VPS35: variants seen among roughly 807,000 people sequenced by gnomAD.
VPS35 encodes the protein VPS35 retromer complex component.
In VPS35, 21 loss-of-function variants were observed where a neutral mutation model predicts 98.1. That is an observed-to-expected ratio of 0.21 (90% CI 0.15 to 0.31). The LOEUF (loss-of-function observed/expected upper bound fraction) is 0.31. Ranked by LOEUF, VPS35 falls within the 10% of genes least tolerant of loss-of-function variation. The pLI is 1.00. For synonymous variants in VPS35, 268 were observed against 318.2 expected, an observed-to-expected ratio of 0.84 and a Z score of 1.68; for missense variants, 554 against 950.8, an observed-to-expected ratio of 0.58 and a Z score of 5.49.
chr16:46,681,867 GACAAC>G (rs1966240052), intron 3 of VPS35: 1 of 569,168 alleles, frequency 1.8e-6, no homozygotes, highest in African/African-American at 1.9e-5. Flanking sequence ...GAGATGCACC[GACAAC>G]ACATTTAAAG....
At chr16:46,679,259 C>A in intron 5 of VPS35, 103 bp from the exon 6 acceptor site, 1 of 1,074,404 alleles carries the variant, frequency 9.3e-7, no homozygotes, top group African/African-American at 1.6e-5. Context: ...TACACCAATG[C>A]TTTATAAAAA....
rs758294660 is a variant in VPS35 at position 46,681,473 on chromosome 16, T to C, written c.227A>G (p.Tyr76Cys). 3.7e-6 allele frequency: 6 copies of C among 1,613,090 alleles called. No homozygotes were observed. In the African/African-American group the frequency reaches 4.0e-5, roughly 11 times the overall value. The change falls in exon 4 of 17, where the codon TAC (tyrosine) becomes TGC (cysteine). Residue 76 changes from tyrosine (Y) to cysteine (C), a missense_variant. By Grantham distance (194) the Tyr-to-Cys change is radical. Around this residue, in one of 5 missense-constraint regions of VPS35, gnomAD observed 67 missense variants for 103.3 expected, o/e 0.65. Transcript: ENST00000299138. ...LYMAISDELHYLEVYLTDEFA... is the reference protein window; with the variant it reads ...LYMAISDELHCLEVYLTDEFA... ...CTCATCTGTCAGGTAGACCTCCAAGTAGTGCAGTTCATCAGAAATGGCCAT... is the reference window on the plus strand; with the variant it reads ...CTCATCTGTCAGGTAGACCTCCAAGCAGTGCAGTTCATCAGAAATGGCCAT...
chr16:46,667,018 G>T (rs1229283368), intron 13 of VPS35, among the ~76,000 whole-genome samples: 1 of 152,122 alleles, frequency 6.6e-6, no homozygotes. Flanking sequence ...GGTAGTTCTA[G>T]TTTCAGTTTT....
At chr16:46,670,091 CAGAAAAATTACA>C (rs891599641) in intron 12 of VPS35, among the ~76,000 whole-genome samples, 1 of 151,878 alleles carries the variant, frequency 6.6e-6, no homozygotes, top group Non-Finnish European at 1.5e-5. Flanking sequence ...ATAGCCAATT[CAGAAAAATTACA>C]AGAAAAACAC....
intron 5 of VPS35, among the ~76,000 whole-genome samples, chr16:46,679,904 A>G (rs1323578972): frequency 1.3e-5 from 2 of 152,206 alleles, no homozygotes; most frequent in African/African-American, 4.8e-5. Flanking sequence ...TTAGAAATAA[A>G]TGATATATTA....
In VPS35 at chr16:46,678,964, T is replaced by A. The variant is rs1260389591; in HGVS notation, c.699A>T (p.Val233=). 6.2e-7 allele frequency: 1 copy of A among 1,614,182 alleles called. No individual in the cohort carries two copies. Among genetic ancestry groups the A allele is most frequent in the Non-Finnish European group, 8.5e-7 (1 of 1,180,018 alleles). The change falls in exon 6 of 17, where the codon GTA becomes GTT. Residue 233 remains valine (V), a synonymous_variant. Transcript: ENST00000299138. ...AAACCTGTTTGTAACGTTCCACATT[T>A]ACACCTTCCAACTGACTGAGGCGCA... ...NLVRLSQLEG[V]NVERYKQIVL...
At chr16:46,679,727 G>A (rs1966204577) in intron 5 of VPS35, among the ~76,000 whole-genome samples, 1 of 152,156 alleles carries the variant, frequency 6.6e-6, no homozygotes, top group African/African-American at 2.4e-5. Context: ...CTAGGATGGA[G>A]ACCTCAGTAC....
intron 12 of VPS35, 58 bp downstream of exon 12, chr16:46,671,647 T>G (rs1567265540): frequency 1.2e-6 from 2 of 1,608,678 alleles, no homozygotes; most frequent in South Asian, 2.2e-5. Flanking sequence ...TTTTAAGCAC[T>G]TGAACATGTG....
In VPS35 at chr16:46,674,381, G is replaced by C; in HGVS notation, c.1093C>G (p.Arg365Gly). ...AGAACTTTATCAACATAGTCCACAC[G>C]ATCAGGGTAACATTTCATGGCAAGA... ...INLAMKCYPD[R>G]VDYVDKVLET... Residue 365 changes from arginine (R) to glycine (G), a missense_variant, in exon 10 of 17, where the codon CGT (arginine) becomes GGT (glycine). Around this residue, in one of 5 missense-constraint regions of VPS35, gnomAD observed 254 missense variants for 390.1 expected, o/e 0.65. Transcript: ENST00000299138. The C allele has an allele frequency of 6.2e-7, 1 of 1,613,932 alleles. No individual in the cohort carries two copies. Among genetic ancestry groups the C allele is most frequent in the Non-Finnish European group, 8.5e-7 (1 of 1,179,930 alleles).
At chr16:46,662,860 G>C (rs1965933431) in intron 14 of VPS35, 123 bp downstream of exon 14, 4 of 1,053,828 alleles carry the variant, frequency 3.8e-6, no homozygotes, top group Non-Finnish European at 5.8e-6. Flanking sequence ...ATGATGGTGG[G>C]AAGGTGGTAG....
At chr16:46,660,987 T>A (rs1965906069) in intron 16 of VPS35, 2 of 372,272 alleles carry the variant, frequency 5.4e-6, no homozygotes, top group Non-Finnish European at 1.0e-5. Context: ...TCTCTAGTAA[T>A]AATACAAAAA....
chr16:46,663,131 A>G lies in VPS35; in HGVS notation c.1679T>C (p.Ile560Thr), dbSNP rs760128592. 8 of 1,614,062 alleles carry G rather than the reference A, an allele frequency of 5.0e-6. No homozygotes were observed. Among genetic ancestry groups the G allele is most frequent in the Non-Finnish European group, 5.1e-6 (6 of 1,180,032 alleles). The change falls in exon 14 of 17, where the codon ATT becomes ACT. Residue 560 changes from isoleucine (I) to threonine (T), a missense_variant. This residue lies in a region of VPS35 where 254 missense variants were observed against 390.1 expected (regional missense o/e 0.65). Transcript: ENST00000299138. ...DDKWEKKCQK[I>T]FSFAHQTISA... The stretch of plus-strand genomic sequence containing the variant: ...GATAGTCTGGTGGGCAAATGAAAAA[A>G]TCTTCTGGCATTTCTTTTCCCATTT...
chr16:46,662,847 T>A (rs1165156376), intron 14 of VPS35, 136 bp downstream of exon 14: 1 of 947,086 alleles, frequency 1.1e-6, no homozygotes, highest in African/African-American at 1.6e-5. Flanking sequence ...ATTAACAGGT[T>A]CCATGATGGT....
Position 46,673,472 on chromosome 16 carries a change from G to A in VPS35, c.1160+842C>T, listed in dbSNP as rs532023131. Reference sequence around the variant, plus strand: ...CATGAGGTAAAATTCTGAAGAATATGTTGGCGGGAGGCAGGCCTGGCTTGA... The same window carrying A: ...CATGAGGTAAAATTCTGAAGAATATATTGGCGGGAGGCAGGCCTGGCTTGA... On this transcript the variant is annotated intron_variant, in intron 10 of 16. Coordinates refer to ENST00000299138, the MANE Select transcript of VPS35 (RefSeq NM_018206.6). 9 of 152,370 alleles carry A rather than the reference G, an allele frequency of 5.9e-5. No homozygotes were observed. The East Asian group carries it at 1.7e-3, about 29-fold the overall frequency. The allele number at this position is 152,370 out of a possible 1,614,324, so 9.4% of individuals were successfully genotyped here. A position where few individuals can be genotyped will look rare whatever the true frequency, so the allele number is the denominator to read the frequency against.
In VPS35 at chr16:46,672,453, C is replaced by T. The variant is rs754137147; in HGVS notation, c.1180G>A (p.Val394Ile). ...NLEHIATSSA[V>I]SKELTRLLKI... ...AAAAGTCTGGTGAGTTCCTTTGAAA[C>T]TGCACTACTGGTAGCAATACTACAA... Residue 394 changes from valine to isoleucine, a missense_variant, in exon 11 of 17, where the codon GTT becomes ATT. Val to Ile is a conservative substitution (Grantham distance 29). This residue lies in a region of VPS35 where 254 missense variants were observed against 390.1 expected (regional missense o/e 0.65). Coordinates refer to ENST00000299138, the MANE Select transcript of VPS35 (RefSeq NM_018206.6). 6 of 1,612,558 alleles carry T rather than the reference C, an allele frequency of 3.7e-6. No individual in the cohort carries two copies. In the African/African-American group the frequency reaches 5.3e-5, roughly 14 times the overall value.
chr16:46,688,874 G>A (rs1023593243), intron 1 of VPS35: 36 of 1,435,156 alleles, frequency 2.5e-5, no homozygotes, highest in Non-Finnish European at 3.1e-5. Flanking sequence ...AAGCCTACAT[G>A]CCAAGTCAAC....
In VPS35 at chr16:46,680,866, T is replaced by C. The variant is rs1438033045; in HGVS notation, c.324-13A>G. ...GATCAAAAGGTAACTAGGAAAATTA[T>C]GAAGAAATGCTGATTAGAAATAAAA... On this transcript the variant is annotated splice_polypyrimidine_tract_variant and intron_variant, in intron 4 of 16. Transcript: ENST00000299138. 5 of 1,610,758 alleles carry C rather than the reference T, an allele frequency of 3.1e-6. No homozygotes were observed. In the African/African-American group the frequency reaches 5.3e-5, roughly 17 times the overall value.
chr16:46,672,456 C>CACT lies in VPS35; in HGVS notation c.1174_1176dup (p.Ser392dup), dbSNP rs779224141. Reference sequence around the variant, plus strand: ...AGTCTGGTGAGTTCCTTTGAAACTGCACTACTGGTAGCAATACTACAAAAA... The same window carrying CACT: ...AGTCTGGTGAGTTCCTTTGAAACTGCACTACTACTGGTAGCAATACTACAAAAA... On this transcript the variant is annotated inframe_insertion, in exon 11 of 17. Coordinates refer to ENST00000299138, the MANE Select transcript of VPS35 (RefSeq NM_018206.6). 3.7e-6 allele frequency: 6 copies of CACT among 1,612,524 alleles called. No individual in the cohort carries two copies. The highest frequency in any genetic ancestry group is 5.1e-6 in the Non-Finnish European group (6 of 1,179,758).
chr16:46,672,653 A>G (rs1055349794), intron 10 of VPS35, among the ~76,000 whole-genome samples, 181 bp from the exon 11 acceptor site: 2 of 152,232 alleles, frequency 1.3e-5, no homozygotes, highest in African/African-American at 4.8e-5. Flanking sequence ...TGCTTATCTA[A>G]ACACAAATAT....
Sources: allele counts gnomAD v4.1 joint callset (sites outside exome capture counted in the v4.1 genomes callset), GRCh38; gene constraint gnomAD v4.1.1; regional missense constraint gnomAD v4.1.1; transcripts MANE v1.5; gene names NCBI Gene and HGNC (gene_info 2026-07-23, HGNC 2026-07-21).